The following PALLD variants were observed in gnomAD, a reference collection of about 807,000 sequenced individuals.
The protein encoded by PALLD is palladin.
PALLD carries 61 observed loss-of-function variants against 123.5 expected under a neutral mutation model. That is an observed-to-expected ratio of 0.49 (90% CI 0.40 to 0.61). The LOEUF is 0.61. PALLD is among the 20% of genes least tolerant of loss of function. The probability of loss-of-function intolerance (pLI) is 0.00; values close to 1 mark genes in which losing one functional copy is unlikely to be tolerated. For missense variants in PALLD, 1,273 were observed against 1,377.0 expected (o/e 0.92, Z 1.20); for synonymous variants, 465 against 496.4 (o/e 0.94, Z 0.84).
chr4:168,768,091 C>T (rs1733920709), intron 10 of PALLD, among the ~76,000 whole-genome samples: 2 of 152,180 alleles, frequency 1.3e-5, no homozygotes, highest in Non-Finnish European at 2.9e-5. Context: ...TTACCTCTTC[C>T]GTGAAGTTTA....
intron 2 of PALLD, among the ~76,000 whole-genome samples, chr4:168,614,586 G>A (rs1310343452): frequency 6.6e-6 from 1 of 152,102 alleles, no homozygotes; most frequent in African/African-American, 2.4e-5. Flanking sequence ...GTGTTTATTA[G>A]ATGGTATCAT....
rs149752265 is a variant in PALLD at position 168,711,598 on chromosome 4, A to C, written c.1639A>C (p.Ser547Arg). Reference protein sequence around the residue: ...VVTSANTENCSYESMGESNND... With the variant: ...VVTSANTENCRYESMGESNND... ...TTCCTTAGCCAACACTGAAAACTGT[A>C]GTTACGAGTCAATGGGAGAATCCAA... Residue 547 changes from serine (S) to arginine (R), a missense_variant, in exon 10 of 22, where the codon AGT becomes CGT. Physicochemically the swap from Ser to Arg is moderately radical, Grantham distance 110. Coordinates refer to ENST00000505667, the MANE Select transcript of PALLD (RefSeq NM_001166108.2). The C allele has an allele frequency of 1.2e-6, 2 of 1,613,414 alleles. No homozygotes were observed. The highest frequency in any genetic ancestry group is 2.2e-5 in the East Asian group (1 of 44,884).
chr4:168,701,035 A>G (rs1477307437), intron 8 of PALLD: 1 of 127,482 alleles, frequency 7.8e-6, no homozygotes, highest in Non-Finnish European at 1.8e-5. Flanking sequence ...AGTTGTGATG[A>G]TATTATTTGT....
intron 10 of PALLD, among the ~76,000 whole-genome samples, chr4:168,725,429 C>A (rs1786452724): frequency 6.7e-6 from 1 of 150,336 alleles, no homozygotes. Flanking sequence ...TCATTATGCT[C>A]AATGTTTGAA....
chr4:168,518,656 C>T (rs959990921), intron 2 of PALLD, among the ~76,000 whole-genome samples: 1 of 152,158 alleles, frequency 6.6e-6, no homozygotes, highest in Non-Finnish European at 1.5e-5. Flanking sequence ...ACAATATGGC[C>T]TCCTATAACT....
At chr4:168,875,089 C>T (rs28631309) in intron 10 of PALLD, among the ~76,000 whole-genome samples, 1,636 of 151,402 alleles carry the variant, frequency 0.011, 48 homozygotes, top group African/African-American at 0.038. Flanking sequence ...TATGGAAATA[C>T]ATACTATTTG....
chr4:168,795,816 C>T (rs1273485671), intron 10 of PALLD, among the ~76,000 whole-genome samples: 1 of 151,232 alleles, frequency 6.6e-6, no homozygotes, highest in Non-Finnish European at 1.5e-5. Flanking sequence ...CAACAGAATT[C>T]TCCCCCCTCA....
At chr4:168,692,177 T>C (rs1228400725) in intron 8 of PALLD, among the ~76,000 whole-genome samples, 1 of 152,206 alleles carries the variant, frequency 6.6e-6, no homozygotes, top group African/African-American at 2.4e-5. Flanking sequence ...TTGGGGGAAC[T>C]GGAAAGTCCT....
chr4:168,753,926 T>G (rs1731412557), intron 10 of PALLD, among the ~76,000 whole-genome samples: 1 of 152,212 alleles, frequency 6.6e-6, no homozygotes. Context: ...CAGTTAATGC[T>G]TATTGTTGTT....
intron 2 of PALLD, among the ~76,000 whole-genome samples, chr4:168,627,988 C>T (rs996443754): frequency 3.3e-5 from 5 of 152,192 alleles, no homozygotes; most frequent in African/African-American, 7.2e-5. Flanking sequence ...CTGGCAAGGC[C>T]GTGGGGAAAC....
chr4:168,905,790 CTTTTTTTTTTT>C (rs59427697), intron 15 of PALLD, among the ~76,000 whole-genome samples: 1 of 113,096 alleles, frequency 8.8e-6, no homozygotes, highest in Non-Finnish European at 1.7e-5. Flanking sequence ...GCTTTTTTTT[CTTTTTTTTTTT>C]TTTTTTTTTC....
intron 16 of PALLD, among the ~76,000 whole-genome samples, chr4:168,914,229 A>C (rs914500340): frequency 3.3e-5 from 5 of 152,212 alleles, no homozygotes; most frequent in Non-Finnish European, 5.9e-5. Context: ...AATGTGTGCT[A>C]AGCCCATTCA....
chr4:168,780,300 A>G (rs1051109081), intron 10 of PALLD, among the ~76,000 whole-genome samples: 2 of 152,122 alleles, frequency 1.3e-5, no homozygotes, highest in African/African-American at 2.4e-5. Context: ...GAGCAGATCT[A>G]TTTCCTACCA....
chr4:168,650,162 G>C (rs1204363473), intron 2 of PALLD, among the ~76,000 whole-genome samples: 5 of 152,088 alleles, frequency 3.3e-5, no homozygotes, highest in Non-Finnish European at 7.4e-5. Context: ...CGACGAGAGT[G>C]AGACTCCATC....
chr4:168,680,503 A>C lies in PALLD; in HGVS notation c.1088-829A>C, dbSNP rs999311159. 1.1e-3 allele frequency among the ~76,000 whole-genome samples: 169 copies of C among 147,736 alleles called. 1 individual carries two copies. The highest frequency in any genetic ancestry group is 3.7e-3 in the African/African-American group (146 of 39,742). ...TCTCAAAAAAAAAAAAAAAAAAAAA[A>C]AAAAAAACACTTATCTGGAACAATA... On this transcript the variant is annotated intron_variant, in intron 3 of 21. Coordinates refer to ENST00000505667, the MANE Select transcript of PALLD (RefSeq NM_001166108.2).
intron 10 of PALLD, among the ~76,000 whole-genome samples, chr4:168,725,261 G>A (rs185317340): frequency 6.6e-6 from 1 of 152,288 alleles, no homozygotes; most frequent in East Asian, 1.9e-4. Context: ...TCAAAAATGG[G>A]TAATTATATG....
At chr4:168,592,018 A>T (rs1210163945) in intron 2 of PALLD, among the ~76,000 whole-genome samples, 1 of 138,972 alleles carries the variant, frequency 7.2e-6, no homozygotes, top group African/African-American at 2.7e-5. Context: ...ACTATTATGG[A>T]TTTTTTTTTT....
chr4:168,655,116 T>G (rs17054439), intron 2 of PALLD, among the ~76,000 whole-genome samples: 8,942 of 152,248 alleles, frequency 0.059, 907 homozygotes, highest in African/African-American at 0.2. Context: ...TCCTTCTACC[T>G]CTAATGTTTC....
intron 10 of PALLD, among the ~76,000 whole-genome samples, chr4:168,856,073 T>G (rs1460730828): frequency 1.3e-5 from 2 of 152,252 alleles, no homozygotes; most frequent in Non-Finnish European, 2.9e-5. Context: ...ACACAGTGTT[T>G]AGCTCCCACT....
Sources: allele counts gnomAD v4.1 joint callset (sites outside exome capture counted in the v4.1 genomes callset), GRCh38; gene constraint gnomAD v4.1.1; transcripts MANE v1.5; gene names NCBI Gene and HGNC (gene_info 2026-07-23, HGNC 2026-07-21).